The following HPSE2 variants were observed in gnomAD, a reference collection of about 807,000 sequenced individuals.
The protein encoded by HPSE2 is heparanase 2 (inactive).
Under a neutral mutation model 60.5 loss-of-function variants are expected in HPSE2, and 38 were observed. That is an observed-to-expected ratio of 0.63 (90% CI 0.48 to 0.82). HPSE2 has a LOEUF of 0.82. Among genes scored for constraint, HPSE2 ranks in the 40% least tolerant of loss-of-function variants. The probability of loss-of-function intolerance (pLI) is 0.00; values close to 1 mark genes in which losing one functional copy is unlikely to be tolerated. For missense variants in HPSE2, 713 were observed against 740.4 expected (o/e 0.96, Z 0.43); for synonymous variants, 295 against 293.2 (o/e 1.01, Z -0.06).
intron 3 of HPSE2, among the ~76,000 whole-genome samples, chr10:98,744,309 C>T (rs1447710333): frequency 2.0e-5 from 3 of 152,038 alleles, no homozygotes; most frequent in Non-Finnish European, 4.4e-5. Context: ...GGGCAGATCA[C>T]CTAAGGTCGG....
chr10:98,658,864 T>C (rs1947147401), intron 6 of HPSE2, among the ~76,000 whole-genome samples: 1 of 152,102 alleles, frequency 6.6e-6, no homozygotes, highest in Non-Finnish European at 1.5e-5. Flanking sequence ...GACTATGATT[T>C]ACATCGTTGT....
At chr10:98,898,395 A>G (rs1196623870) in intron 3 of HPSE2, among the ~76,000 whole-genome samples, 1 of 152,220 alleles carries the variant, frequency 6.6e-6, no homozygotes, top group African/African-American at 2.4e-5. Context: ...TCATTTAGTG[A>G]TAAAAGGAAA....
the HPSE2 span, among the ~76,000 whole-genome samples, chr10:99,309,052 G>A: frequency 2.0e-5 from 3 of 152,106 alleles, no homozygotes; most frequent in African/African-American, 4.8e-5. Context: ...AACAAGAAAA[G>A]GGTTAAGTGA....
chr10:99,151,083 T>C (rs562716847), intron 2 of HPSE2, among the ~76,000 whole-genome samples: 1 of 151,482 alleles, frequency 6.6e-6, no homozygotes, highest in African/African-American at 2.4e-5. Flanking sequence ...AAAGTCCAAA[T>C]AACTTACCTA....
chr10:99,086,166 A>G (rs1442203055), intron 3 of HPSE2, among the ~76,000 whole-genome samples: 1 of 152,022 alleles, frequency 6.6e-6, no homozygotes, highest in East Asian at 1.9e-4. Context: ...TGGCCCCTTC[A>G]GTGTATGCTG....
the HPSE2 span, among the ~76,000 whole-genome samples, chr10:99,292,042 T>C: frequency 5.9e-5 from 9 of 152,062 alleles, no homozygotes; most frequent in Admixed American, 6.6e-5. Flanking sequence ...AACAAAAAAC[T>C]AGAAACCAGA....
chr10:99,257,800 C>T, the HPSE2 span, among the ~76,000 whole-genome samples: 3 of 152,066 alleles, frequency 2.0e-5, no homozygotes, highest in East Asian at 3.9e-4. Flanking sequence ...GCTGGTTTTG[C>T]GGCTTGTGGG....
intron 2 of HPSE2, among the ~76,000 whole-genome samples, chr10:99,197,471 T>G (rs186389984): frequency 6.6e-6 from 1 of 152,160 alleles, no homozygotes; most frequent in African/African-American, 2.4e-5. Flanking sequence ...AAATATCTCA[T>G]GTATCCCATA....
intron 3 of HPSE2, among the ~76,000 whole-genome samples, chr10:98,766,799 C>T (rs2134405416): frequency 6.6e-6 from 1 of 152,178 alleles, no homozygotes; most frequent in South Asian, 2.1e-4. Flanking sequence ...GTGGTGCACA[C>T]CTGTAGTCCC....
intron 6 of HPSE2, among the ~76,000 whole-genome samples, chr10:98,646,261 C>A (rs1372011317): frequency 6.6e-6 from 1 of 151,368 alleles, no homozygotes; most frequent in Non-Finnish European, 1.5e-5. Flanking sequence ...TCTGTGGTGA[C>A]CATTTTATAA....
intron 3 of HPSE2, among the ~76,000 whole-genome samples, chr10:98,916,793 T>C (rs974569001): frequency 3.3e-5 from 5 of 152,230 alleles, no homozygotes; most frequent in African/African-American, 1.2e-4. Context: ...CCTTAACACA[T>C]AGGTCTGGCC....
rs181870989 is a variant in HPSE2 at position 98,946,829 on chromosome 10, T to C, written c.610+197409A>G. 8.5e-4 allele frequency among the ~76,000 whole-genome samples: 130 copies of C among 152,192 alleles called. 1 individual carries two copies. The highest frequency in any genetic ancestry group is 2.8e-3 in the African/African-American group (117 of 41,542). ...ATTCTGTAGCTACCTCCTGTGGCTA[T>C]TGTGGTGAGCTCAAGAGTTGTATTC... On this transcript the variant is annotated intron_variant, in intron 3 of 11. Transcript: ENST00000370552.
chr10:99,132,146 G>GAAGGAAGGAAGGAAGGAAGAAAGA (rs1845413704), intron 3 of HPSE2, among the ~76,000 whole-genome samples: 1 of 28,486 alleles, frequency 3.5e-5, no homozygotes, highest in African/African-American at 8.2e-5. Flanking sequence ...AGAAAGAAAG[G>GAAGGAAGGAAGGAAGGAAGAAAGA]AAGAAAGAAA....
At chr10:99,017,324 T>G (rs578088906) in intron 3 of HPSE2, among the ~76,000 whole-genome samples, 1 of 152,272 alleles carries the variant, frequency 6.6e-6, no homozygotes, top group South Asian at 2.1e-4. Flanking sequence ...TGGTGAGTCA[T>G]GTTTATTGAT....
intron 3 of HPSE2, among the ~76,000 whole-genome samples, chr10:99,059,481 G>A (rs1958185345): frequency 6.6e-6 from 1 of 152,078 alleles, no homozygotes; most frequent in African/African-American, 2.4e-5. Context: ...TAAAGAAAAA[G>A]TAGTCTCTTG....
chr10:98,872,173 C>T (rs1392238684), intron 3 of HPSE2, among the ~76,000 whole-genome samples: 4 of 151,926 alleles, frequency 2.6e-5, no homozygotes, highest in East Asian at 1.9e-4. Context: ...AAGGAAGGAC[C>T]GTTTTCTGCA....
At chr10:99,023,368 C>G (rs150838268) in intron 3 of HPSE2, among the ~76,000 whole-genome samples, 5 of 152,264 alleles carry the variant, frequency 3.3e-5, no homozygotes, top group Admixed American at 2.6e-4. Context: ...GTTTTTGACT[C>G]TAGTCCCTAA....
At chr10:99,099,567 C>A (rs978771856) in intron 3 of HPSE2, among the ~76,000 whole-genome samples, 6 of 152,228 alleles carry the variant, frequency 3.9e-5, no homozygotes, top group Admixed American at 2.6e-4. Flanking sequence ...ACCCTGGGGG[C>A]AGGGCATAGC....
chr10:98,492,433 C>T (rs1331252323), intron 9 of HPSE2, among the ~76,000 whole-genome samples: 2 of 146,118 alleles, frequency 1.4e-5, no homozygotes, highest in Non-Finnish European at 3.0e-5. Context: ...ACCCAGGAGG[C>T]GGAGCTTGCA....
Sources: allele counts gnomAD v4.1 joint callset (sites outside exome capture counted in the v4.1 genomes callset), GRCh38; gene constraint gnomAD v4.1.1; transcripts MANE v1.5; gene names NCBI Gene and HGNC (gene_info 2026-07-23, HGNC 2026-07-21).